Variants in SMG6 observed in about 807,000 individuals in gnomAD.
SMG6 encodes the protein SMG6 nonsense mediated mRNA decay factor.
Under a neutral mutation model 142.2 loss-of-function variants are expected in SMG6, and 66 were observed. That is an observed-to-expected ratio of 0.46 (90% CI 0.38 to 0.57). The LOEUF (loss-of-function observed/expected upper bound fraction) is 0.57, where lower values mean the gene tolerates loss of function less well. Among genes scored for constraint, SMG6 ranks in the 20% least tolerant of loss-of-function variants. SMG6 has a pLI of 0.00. For synonymous variants in SMG6, 779 were observed against 702.4 expected (o/e 1.11, Z -1.72); for missense variants, 1,793 against 1,832.0 (o/e 0.98, Z 0.39).
chr17:2,132,407 T>G, intron 13 of SMG6, among the ~76,000 whole-genome samples: 1 of 152,192 alleles, frequency 6.6e-6, no homozygotes, highest in Admixed American at 6.6e-5. Context: ...AAGCCCAGTC[T>G]ACATGTGGAC....
At chr17:2,295,707 C>T (rs555567731) in intron 4 of SMG6, among the ~76,000 whole-genome samples, 1 of 152,220 alleles carries the variant, frequency 6.6e-6, no homozygotes, top group South Asian at 2.1e-4. Context: ...CATGATGACT[C>T]ATGAATCTAT....
intron 18 of SMG6, 54 bp downstream of exon 18, chr17:2,065,019 G>A (rs1049542180): frequency 2.9e-6 from 4 of 1,393,532 alleles, no homozygotes; most frequent in Non-Finnish European, 4.1e-6. Context: ...AGGATGGGTA[G>A]GATGAGGTAG....
At chr17:2,110,634 C>A (rs573878674) in intron 13 of SMG6, among the ~76,000 whole-genome samples, 1 of 152,082 alleles carries the variant, frequency 6.6e-6, no homozygotes, top group East Asian at 1.9e-4. Flanking sequence ...GGAAGAAAGA[C>A]CCTGATGAGG....
chr17:2,099,103 A>T (rs910688698), intron 13 of SMG6, among the ~76,000 whole-genome samples: 1 of 152,106 alleles, frequency 6.6e-6, no homozygotes, highest in African/African-American at 2.4e-5. Context: ...TGCACTATGG[A>T]TACCTGAACA....
At chr17:2,196,491 G>A (rs1054945185) in intron 10 of SMG6, among the ~76,000 whole-genome samples, 79 of 152,294 alleles carry the variant, frequency 5.2e-4, no homozygotes, top group African/African-American at 1.7e-3. Context: ...CATGAACTGA[G>A]CAACTCAGCA....
At chr17:2,286,684 T>C (rs961463036) in intron 6 of SMG6, among the ~76,000 whole-genome samples, 10 of 152,170 alleles carry the variant, frequency 6.6e-5, no homozygotes, top group East Asian at 1.9e-4. Flanking sequence ...TTTCCAAACC[T>C]TGGATTTGGT....
At chr17:2,194,132 T>C (rs1200028877) in intron 10 of SMG6, among the ~76,000 whole-genome samples, 1 of 152,064 alleles carries the variant, frequency 6.6e-6, no homozygotes, top group African/African-American at 2.4e-5. Context: ...AGATGAACAA[T>C]GATGGAGTTG....
At chr17:2,246,702 T>G (rs768145090) in intron 8 of SMG6, among the ~76,000 whole-genome samples, 74 of 152,256 alleles carry the variant, frequency 4.9e-4, no homozygotes, top group African/African-American at 1.7e-3. Context: ...TCCCAGCACT[T>G]TGGGAGGCCA....
intron 10 of SMG6, among the ~76,000 whole-genome samples, chr17:2,192,202 C>T (rs1306383767): frequency 2.0e-5 from 3 of 152,208 alleles, no homozygotes; most frequent in Non-Finnish European, 4.4e-5. Context: ...TAAGCCGAGC[C>T]AAGGGATGGT....
intron 8 of SMG6, among the ~76,000 whole-genome samples, chr17:2,267,949 G>A (rs954481971): frequency 1.3e-5 from 2 of 151,938 alleles, no homozygotes; most frequent in African/African-American, 2.4e-5. Flanking sequence ...GGGTTTCACC[G>A]TGTTAGCCAG....
chr17:2,196,095 C>A (rs2072316208), intron 10 of SMG6, among the ~76,000 whole-genome samples: 1 of 152,046 alleles, frequency 6.6e-6, no homozygotes, highest in Non-Finnish European at 1.5e-5. Context: ...CGTACGGAAA[C>A]GCTATGCTAA....
At chr17:2,088,547 G>A in intron 13 of SMG6, 22 of 985,464 alleles carry the variant, frequency 2.2e-5, no homozygotes, top group Non-Finnish European at 2.4e-5. Flanking sequence ...AAAAGGCTGT[G>A]ATCTACTGGG....
chr17:2,119,867 T>C (rs1185014646), intron 13 of SMG6, among the ~76,000 whole-genome samples: 1 of 152,182 alleles, frequency 6.6e-6, no homozygotes, highest in Non-Finnish European at 1.5e-5. Flanking sequence ...TTTCACTGTG[T>C]TAGCCGGCAT....
At chr17:2,203,053 G>T (rs2151728089) in intron 10 of SMG6, among the ~76,000 whole-genome samples, 1 of 152,230 alleles carries the variant, frequency 6.6e-6, no homozygotes, top group African/African-American at 2.4e-5. Flanking sequence ...AAGAAAGACA[G>T]CAAACCATCT....
rs143011114 is a variant in SMG6, at chr17:2,145,589, C to T, written c.3357+27069G>A. On this transcript the variant is annotated intron_variant, in intron 13 of 18. Coordinates refer to ENST00000263073, the MANE Select transcript of SMG6 (RefSeq NM_017575.5). ...CAAAACTTTGGGAGGCCGAAATGGCCGAGATCGCGCCACTGCACTCCAGCC... is the reference window on the plus strand; with the variant it reads ...CAAAACTTTGGGAGGCCGAAATGGCTGAGATCGCGCCACTGCACTCCAGCC... Among the ~76,000 whole-genome samples, 827 of 133,842 alleles carry T rather than the reference C, an allele frequency of 6.2e-3. 10 individuals carry two copies. The highest frequency in any genetic ancestry group is 0.022 in the African/African-American group (774 of 35,038). The allele number at this position is 133,842 out of a possible 152,430, so 87.8% of individuals were successfully genotyped here. A position where few individuals can be genotyped will look rare whatever the true frequency, so the allele number is the denominator to read the frequency against.
At chr17:2,291,750 C>A (rs1418349569) in intron 6 of SMG6, among the ~76,000 whole-genome samples, 3 of 94,504 alleles carry the variant, frequency 3.2e-5, no homozygotes, top group African/African-American at 9.0e-5. Flanking sequence ...TGTGTGCCTG[C>A]AGTCCCAGTT....
intron 8 of SMG6, among the ~76,000 whole-genome samples, chr17:2,270,611 GA>G (rs980472199): frequency 2.9e-4 from 44 of 150,694 alleles, no homozygotes; most frequent in African/African-American, 9.7e-4. Flanking sequence ...ATGTCTCAAG[GA>G]AAAAAAAAAT....
intron 10 of SMG6, among the ~76,000 whole-genome samples, chr17:2,225,728 A>G (rs1419669158): frequency 6.6e-6 from 1 of 152,192 alleles, no homozygotes; most frequent in Non-Finnish European, 1.5e-5. Flanking sequence ...AAATCTGATT[A>G]ACTTTTGATT....
At chr17:2,227,910 C>T (rs2073363604) in intron 10 of SMG6, among the ~76,000 whole-genome samples, 1 of 152,110 alleles carries the variant, frequency 6.6e-6, no homozygotes, top group South Asian at 2.1e-4. Flanking sequence ...TGTAAGATTA[C>T]TGCAATGAAA....
Sources: allele counts gnomAD v4.1 joint callset (sites outside exome capture counted in the v4.1 genomes callset), GRCh38; gene constraint gnomAD v4.1.1; transcripts MANE v1.5; gene names NCBI Gene and HGNC (gene_info 2026-07-23, HGNC 2026-07-21).